Variants in FNDC3B observed in about 807,000 individuals in gnomAD.
FNDC3B encodes the protein fibronectin type III domain-containing protein 3B.
A neutral mutation model predicts 151.5 loss-of-function variants in FNDC3B; 12 were observed. That is an observed-to-expected ratio of 0.08 (90% CI 0.05 to 0.13). The LOEUF (loss-of-function observed/expected upper bound fraction) is 0.13. Among genes scored for constraint, FNDC3B ranks in the 10% least tolerant of loss-of-function variants. The probability of loss-of-function intolerance (pLI) is 1.00; values close to 1 mark genes in which losing one functional copy is unlikely to be tolerated. For missense variants in FNDC3B, 1,214 were observed against 1,505.3 expected (o/e 0.81, Z 3.20); for synonymous variants, 528 against 549.0 (o/e 0.96, Z 0.54).
At chr3:172,263,352 A>T (rs1162860514) in intron 6 of FNDC3B, among the ~76,000 whole-genome samples, 1 of 152,022 alleles carries the variant, frequency 6.6e-6, no homozygotes, top group Non-Finnish European at 1.5e-5. Flanking sequence ...ACCAGGAGGG[A>T]TGGAGAAACT....
At chr3:172,270,428 ATACTTT>A (rs1729142377) in intron 6 of FNDC3B, among the ~76,000 whole-genome samples, 1 of 152,154 alleles carries the variant, frequency 6.6e-6, no homozygotes, top group Non-Finnish European at 1.5e-5. Flanking sequence ...GCCACACAGC[ATACTTT>A]CTCCAATTCT....
chr3:172,223,871 G>A (rs1001660596), intron 3 of FNDC3B, among the ~76,000 whole-genome samples: 3 of 152,240 alleles, frequency 2.0e-5, no homozygotes, highest in African/African-American at 7.2e-5. Flanking sequence ...ACATTTTGAT[G>A]AGTGATTATT....
rs1195281476 is a variant in FNDC3B, at chr3:172,239,853, G to GTTTT, written c.265-7678_265-7677insTTTT. 3.6e-3 allele frequency among the ~76,000 whole-genome samples: 240 copies of GTTTT among 65,856 alleles called. 9 individuals are homozygous for GTTTT. The highest frequency in any genetic ancestry group is 0.013 in the African/African-American group (229 of 17,676). 43.2% of individuals were successfully genotyped at this position (65,856 alleles called of 152,430 possible). ...AAATGTTTTTAGGAGATCCATTTTA[G>GTTTT]TTCTTTTTTTTTTTTTTTTTTTTTT... is the stretch of plus-strand genomic sequence containing the variant. On this transcript the variant is annotated intron_variant, in intron 4 of 25. Transcript: ENST00000415807.
At chr3:172,396,489 A>G (rs934127171) in intron 25 of FNDC3B, among the ~76,000 whole-genome samples, 1 of 152,112 alleles carries the variant, frequency 6.6e-6, no homozygotes, top group Non-Finnish European at 1.5e-5. Flanking sequence ...ACATAGACCT[A>G]TTTGTATTAT....
chr3:172,107,014 T>C (rs1719687389), intron 1 of FNDC3B, among the ~76,000 whole-genome samples: 1 of 152,338 alleles, frequency 6.6e-6, no homozygotes, highest in African/African-American at 2.4e-5. Context: ...CAGAGTGTCC[T>C]GCCCCAAACC....
intron 6 of FNDC3B, among the ~76,000 whole-genome samples, chr3:172,281,013 T>G (rs1729681587): frequency 6.6e-6 from 1 of 151,822 alleles, no homozygotes; most frequent in African/African-American, 2.4e-5. Context: ...AAAGAAAGAC[T>G]TGTGTCTCTA....
At chr3:172,081,631 A>G (rs1259173000) in intron 1 of FNDC3B, among the ~76,000 whole-genome samples, 1 of 152,248 alleles carries the variant, frequency 6.6e-6, no homozygotes, top group East Asian at 1.9e-4. Context: ...TTAGATCGAT[A>G]ATATGCTGAA....
intron 3 of FNDC3B, among the ~76,000 whole-genome samples, chr3:172,148,265 GA>G (rs898810503): frequency 3.3e-5 from 5 of 152,042 alleles, no homozygotes; most frequent in Non-Finnish European, 7.4e-5. Context: ...TAAAAAATAT[GA>G]AAAATATTCT....
chr3:172,337,661 TTTTG>T, intron 16 of FNDC3B: 1 of 417,358 alleles, frequency 2.4e-6, no homozygotes, highest in Non-Finnish European at 4.3e-6. Flanking sequence ...TTTGTTTATC[TTTTG>T]TTTTTGTTTC....
intron 25 of FNDC3B, among the ~76,000 whole-genome samples, chr3:172,385,321 C>A (rs917973525): frequency 1.3e-5 from 2 of 152,108 alleles, no homozygotes; most frequent in Non-Finnish European, 2.9e-5. Context: ...ACTGTGTATA[C>A]CTCAATTATA....
chr3:172,329,281 T>C (rs1029105265), intron 12 of FNDC3B: 11 of 512,644 alleles, frequency 2.1e-5, no homozygotes, highest in Non-Finnish European at 3.4e-5. Flanking sequence ...TTGCAAGCTG[T>C]ATTGCGAAGG....
chr3:172,338,329 A>AG (rs1245430032), intron 16 of FNDC3B: 1 of 152,032 alleles, frequency 6.6e-6, no homozygotes, highest in Non-Finnish European at 1.5e-5. Flanking sequence ...AAAAAAAAAA[A>AG]AAAATTCTTA....
intron 15 of FNDC3B, 152 bp from the exon 16 acceptor site, chr3:172,337,178 A>G (rs1159499547): frequency 2.0e-6 from 1 of 511,692 alleles, no homozygotes; most frequent in African/African-American, 2.0e-5. Flanking sequence ...TTTTTTTTCA[A>G]CAGAGGAGTT....
At chr3:172,173,649 A>T (rs1027860506) in intron 3 of FNDC3B, among the ~76,000 whole-genome samples, 1 of 150,892 alleles carries the variant, frequency 6.6e-6, no homozygotes, top group South Asian at 2.1e-4. Context: ...AAAAAAAATT[A>T]AAAAAATTAA....
rs186799791 is a variant in FNDC3B at position 172,062,829 on chromosome 3, T to C, written c.-29+23058T>C. Among the ~76,000 whole-genome samples, 519 of 152,236 alleles carry C rather than the reference T, an allele frequency of 3.4e-3. 1 individual carries two copies. Among genetic ancestry groups the C allele is most frequent in the African/African-American group, 0.012 (493 of 41,526 alleles). On this transcript the variant is annotated intron_variant, in intron 1 of 25. Transcript: ENST00000415807. ...TTATTTCCTGAAGCCCGTATATCACTGAGAAAAAGTTAATCTTAAGTGAAT... is the reference window on the plus strand; with the variant it reads ...TTATTTCCTGAAGCCCGTATATCACCGAGAAAAAGTTAATCTTAAGTGAAT...
chr3:172,356,986 A>C (rs534379594), intron 22 of FNDC3B, among the ~76,000 whole-genome samples: 1 of 152,172 alleles, frequency 6.6e-6, no homozygotes, highest in East Asian at 1.9e-4. Flanking sequence ...TTCGAAAGTC[A>C]TTCTTCTTTT....
Position 172,346,329 on chromosome 3 carries a change from T to C in FNDC3B, c.2253T>C (p.Tyr751=). ...FRVRALNDGG[Y]GPYSDVSEIT... ...TGTGTGCGTGTGTTTTCTTTCAGTA[T>C]GGTCCCTATTCTGATGTCTCAGAAA... Residue 751 remains tyrosine (Y), a splice_region_variant and synonymous_variant, in exon 20 of 26, where the codon TAT becomes TAC. Transcript: ENST00000415807. 6.3e-7 allele frequency: 1 copy of C among 1,593,654 alleles called. No homozygotes were observed. Among genetic ancestry groups the C allele is most frequent in the Non-Finnish European group, 8.6e-7 (1 of 1,162,226 alleles).
chr3:172,376,294 G>A (rs1476071084), intron 23 of FNDC3B, among the ~76,000 whole-genome samples: 1 of 152,192 alleles, frequency 6.6e-6, no homozygotes, highest in Non-Finnish European at 1.5e-5. Context: ...CTTTGTGACT[G>A]TGAGTGCTAT....
At chr3:172,217,269 C>G (rs1437266480) in intron 3 of FNDC3B, among the ~76,000 whole-genome samples, 4 of 152,196 alleles carry the variant, frequency 2.6e-5, no homozygotes, top group Middle Eastern at 3.2e-3. Context: ...TACCTGATGT[C>G]TTTGACAGTC....
Sources: allele counts gnomAD v4.1 joint callset (sites outside exome capture counted in the v4.1 genomes callset), GRCh38; gene constraint gnomAD v4.1.1; transcripts MANE v1.5; gene names NCBI Gene and HGNC (gene_info 2026-07-23, HGNC 2026-07-21).